ARHGAP15: variants seen among roughly 807,000 people sequenced by gnomAD.
ARHGAP15 encodes rho GTPase-activating protein 15.
ARHGAP15 carries 51 observed loss-of-function variants against 63.7 expected under a neutral mutation model. The observed-to-expected ratio is 0.80, with a 90% CI of 0.64 to 1.01. The LOEUF (loss-of-function observed/expected upper bound fraction) is 1.01. ARHGAP15 is among the 50% of genes least tolerant of loss of function. ARHGAP15 has a pLI of 0.00. For missense variants in ARHGAP15, 560 were observed against 564.6 expected (o/e 0.99, Z 0.08); for synonymous variants, 191 against 193.8 (o/e 0.99, Z 0.12).
rs1685537640 is a variant in ARHGAP15 at position 143,350,879 on chromosome 2, T to C, written c.475-84722T>C. The C allele has an allele frequency of 2.0e-5, 3 of 149,414 alleles. No homozygotes were observed. In the South Asian group the frequency reaches 6.4e-4, roughly 32 times the overall value. The allele number at this position is 149,414 out of a possible 1,614,324, so 9.3% of individuals were successfully genotyped here. A position where few individuals can be genotyped will look rare whatever the true frequency, so the allele number is the denominator to read the frequency against. ...AAAAAAAAAGAAATTATATATTTTG[T>C]GGTAAGATGGCCTCAAGGAGCAAAT... On this transcript the variant is annotated intron_variant, in intron 6 of 13. Transcript: ENST00000295095.
intron 11 of ARHGAP15, among the ~76,000 whole-genome samples, chr2:143,572,822 C>G (rs1362538385): frequency 2.0e-5 from 3 of 152,004 alleles, no homozygotes; most frequent in Non-Finnish European, 4.4e-5. Flanking sequence ...GTAGGAATCC[C>G]TCCTAAATAA....
chr2:143,176,560 A>T (rs1029541936), intron 2 of ARHGAP15, among the ~76,000 whole-genome samples: 20 of 152,222 alleles, frequency 1.3e-4, no homozygotes, highest in South Asian at 2.1e-4. Flanking sequence ...GTAGTAAAAA[A>T]AAACTAGTAA....
chr2:143,629,250 A>G (rs1170896814), intron 12 of ARHGAP15, among the ~76,000 whole-genome samples: 1 of 151,886 alleles, frequency 6.6e-6, no homozygotes, highest in Non-Finnish European at 1.5e-5. Flanking sequence ...CCCTTGTCTG[A>G]TAATACTCAT....
chr2:143,594,814 AG>A (rs577527809), intron 11 of ARHGAP15, among the ~76,000 whole-genome samples: 75 of 152,218 alleles, frequency 4.9e-4, no homozygotes, highest in South Asian at 1.0e-3. Flanking sequence ...TGTACATTTC[AG>A]AATTCTACGT....
At chr2:143,622,439 C>A (rs1040041997) in intron 11 of ARHGAP15, among the ~76,000 whole-genome samples, 1 of 152,102 alleles carries the variant, frequency 6.6e-6, no homozygotes, top group Admixed American at 6.6e-5. Context: ...TGACAGTAAA[C>A]CCCATCAGGT....
intron 12 of ARHGAP15, among the ~76,000 whole-genome samples, chr2:143,664,674 G>C (rs201535021): frequency 3.2e-3 from 416 of 131,948 alleles, no homozygotes; most frequent in Middle Eastern, 3.8e-3. Context: ...CCACTAGCAA[G>C]ACTAATAAAG....
chr2:143,740,333 A>G (rs979350090), intron 13 of ARHGAP15, among the ~76,000 whole-genome samples: 9 of 152,180 alleles, frequency 5.9e-5, no homozygotes, highest in African/African-American at 2.2e-4. Flanking sequence ...CTGTCTGCAT[A>G]TTAGGAACAA....
intron 11 of ARHGAP15, among the ~76,000 whole-genome samples, chr2:143,572,735 G>A (rs544139770): frequency 1.3e-5 from 2 of 152,112 alleles, no homozygotes; most frequent in African/African-American, 4.8e-5. Context: ...TTTTACTTCT[G>A]AATTAATATA....
At chr2:143,181,161 G>A (rs1326553317) in intron 2 of ARHGAP15, among the ~76,000 whole-genome samples, 3 of 152,046 alleles carry the variant, frequency 2.0e-5, no homozygotes, top group Admixed American at 6.6e-5. Flanking sequence ...TTTTTGAGCA[G>A]TAGGTCTCAA....
At chr2:143,176,680 A>G (rs1691022649) in intron 2 of ARHGAP15, among the ~76,000 whole-genome samples, 1 of 152,240 alleles carries the variant, frequency 6.6e-6, no homozygotes, top group South Asian at 2.1e-4. Flanking sequence ...TTTATAACAC[A>G]TATTCATGAT....
At chr2:143,289,787 A>G (rs1332792508) in intron 6 of ARHGAP15, among the ~76,000 whole-genome samples, 1 of 152,204 alleles carries the variant, frequency 6.6e-6, no homozygotes, top group Non-Finnish European at 1.5e-5. Flanking sequence ...TGGCTTTCAC[A>G]TAGTCTAAGG....
intron 4 of ARHGAP15, among the ~76,000 whole-genome samples, chr2:143,222,194 T>C (rs1292385189): frequency 6.6e-6 from 1 of 152,222 alleles, no homozygotes; most frequent in African/African-American, 2.4e-5. Flanking sequence ...GACCAACCAG[T>C]TTGAGAATGA....
At chr2:143,568,914 C>T (rs1023532640) in intron 11 of ARHGAP15, among the ~76,000 whole-genome samples, 5 of 152,082 alleles carry the variant, frequency 3.3e-5, no homozygotes, top group African/African-American at 1.2e-4. Flanking sequence ...ATCACAAGGA[C>T]AGAAAATGAA....
chr2:143,693,420 T>G (rs1683701171), intron 12 of ARHGAP15, among the ~76,000 whole-genome samples: 1 of 152,216 alleles, frequency 6.6e-6, no homozygotes, highest in African/African-American at 2.4e-5. Flanking sequence ...GGCAAAGAAT[T>G]CTACTCCCTC....
chr2:143,335,605 C>T (rs2105271244), intron 6 of ARHGAP15, among the ~76,000 whole-genome samples: 1 of 152,274 alleles, frequency 6.6e-6, no homozygotes. Context: ...TCTATTCATT[C>T]AGTATATACT....
At chr2:143,577,682 A>G (rs1362084160) in intron 11 of ARHGAP15, among the ~76,000 whole-genome samples, 1 of 152,118 alleles carries the variant, frequency 6.6e-6, no homozygotes, top group African/African-American at 2.4e-5. Flanking sequence ...GCACCTGACT[A>G]TTATTAACCA....
chr2:143,340,820 G>A (rs776791391), intron 6 of ARHGAP15, among the ~76,000 whole-genome samples: 6 of 151,952 alleles, frequency 3.9e-5, no homozygotes, highest in Non-Finnish European at 8.8e-5. Context: ...GGAAAAGTAC[G>A]CTTACTGAAA....
chr2:143,434,301 C>G (rs1328800455), intron 6 of ARHGAP15, among the ~76,000 whole-genome samples: 1 of 152,038 alleles, frequency 6.6e-6, no homozygotes, highest in Non-Finnish European at 1.5e-5. Flanking sequence ...CCATCTCAAT[C>G]AAGAATGGTT....
At chr2:143,411,460 A>G (rs1037196387) in intron 6 of ARHGAP15, among the ~76,000 whole-genome samples, 1 of 152,158 alleles carries the variant, frequency 6.6e-6, no homozygotes, top group Admixed American at 6.5e-5. Flanking sequence ...TGTGACATGG[A>G]CTTTGCTTCC....
Sources: allele counts gnomAD v4.1 joint callset (sites outside exome capture counted in the v4.1 genomes callset), GRCh38; gene constraint gnomAD v4.1.1; transcripts MANE v1.5; gene names NCBI Gene and HGNC (gene_info 2026-07-23, HGNC 2026-07-21).